PCDHGA1: variants seen among roughly 807,000 people sequenced by gnomAD.
PCDHGA1 encodes protocadherin gamma-A1.
In PCDHGA1, 32 loss-of-function variants were observed where a neutral mutation model predicts 58.0. The ratio of observed to expected loss-of-function variants is 0.55; its 90% CI spans 0.42 to 0.74. The LOEUF (loss-of-function observed/expected upper bound fraction) is 0.74, where lower values mean the gene tolerates loss of function less well. Ranked by LOEUF, PCDHGA1 falls within the 30% of genes least tolerant of loss-of-function variation. PCDHGA1 has a pLI of 0.00. For synonymous variants in PCDHGA1, 498 were observed against 501.1 expected, an observed-to-expected ratio of 0.99 and a Z score of 0.08; for missense variants, 1,205 against 1,182.3, an observed-to-expected ratio of 1.02 and a Z score of -0.28.
chr5:141,389,146 C>T (rs567517174), intron 1 of PCDHGA1: 17 of 1,613,996 alleles, frequency 1.1e-5, no homozygotes, highest in East Asian at 2.2e-5. Context: ...ATAACCGTTA[C>T]GGCAACAGAT....
Position 141,345,510 on chromosome 5 carries a change from G to T in PCDHGA1, c.2421+12405G>T, listed in dbSNP as rs778058001. 4.3e-6 allele frequency: 7 copies of T among 1,613,982 alleles called. No individual in the cohort carries two copies. The African/African-American group carries it at 8.0e-5, about 18-fold the overall frequency. On this transcript the variant is annotated intron_variant, in intron 1 of 3. Transcript: ENST00000517417. Reference sequence around the variant, plus strand: ...CGCCCGCATCACTTATGCATTGACCGAGGACACTCTCCAGGGGGCGCCCCT... The same window carrying T: ...CGCCCGCATCACTTATGCATTGACCTAGGACACTCTCCAGGGGGCGCCCCT...
At position 141,338,987 on chromosome 5, in the gene PCDHGA1, A is replaced by C. The variant is rs369131347; in HGVS notation, c.2421+5882A>C. 33 of 1,541,148 alleles carry C rather than the reference A, an allele frequency of 2.1e-5. No homozygotes were observed. The highest frequency in any genetic ancestry group is 2.6e-5 in the Non-Finnish European group (30 of 1,143,360). On this transcript the variant is annotated intron_variant, in intron 1 of 3. Transcript: ENST00000517417. ...CAGGAGGGAAATGGCGGCTCTGCAA[A>C]AGTTGCCACACTGCAGAAAGCTGGT...
At chr5:141,498,105 G>A (rs150297456) in intron 2 of PCDHGA1, among the ~76,000 whole-genome samples, 4 of 152,206 alleles carry the variant, frequency 2.6e-5, no homozygotes, top group African/African-American at 9.7e-5. Flanking sequence ...TGGTGTGGGC[G>A]TATAATAGGG....
Position 141,432,701 on chromosome 5 carries a change from G to A in PCDHGA1, c.2422-62106G>A, listed in dbSNP as rs200101512. ...GCAGAGCCTCGTAGTGGCCGTCCAG[G>A]ACCACGGCCAGCCCCCTCTCTCCGC... On this transcript the variant is annotated intron_variant, in intron 1 of 3. Coordinates refer to ENST00000517417, the MANE Select transcript of PCDHGA1 (RefSeq NM_018912.3). This position sits in a 1 kb window ranked among gnomAD's most constrained non-coding sequence, Gnocchi z 6.0. The A allele has an allele frequency of 2.7e-5, 44 of 1,613,842 alleles. No homozygotes were observed. The Admixed American group carries it at 5.3e-4, about 20-fold the overall frequency.
At chr5:141,344,024 C>A (rs755324481) in intron 1 of PCDHGA1, 1 of 1,524,874 alleles carries the variant, frequency 6.6e-7, no homozygotes, top group South Asian at 1.3e-5. Context: ...AGCGATTCAC[C>A]GAAAAGGAAA....
At chr5:141,481,822 G>A (rs1017311512) in intron 1 of PCDHGA1, among the ~76,000 whole-genome samples, 12 of 151,620 alleles carry the variant, frequency 7.9e-5, no homozygotes, top group Non-Finnish European at 1.5e-4. Context: ...CGTGGTGGCT[G>A]AGGCAGGAGA....
At position 141,490,561 on chromosome 5, in the gene PCDHGA1, A is replaced by C. The variant is rs2099701634; in HGVS notation, c.2422-4246A>C. The stretch of plus-strand genomic sequence containing the variant: ...TTCCCTACACAAACATCTCACCATC[A>C]GGCTCAACATTTCAGATGTCAATGA... On this transcript the variant is annotated intron_variant, in intron 1 of 3. Transcript: ENST00000517417. The surrounding 1 kb of genome is among the most constrained non-coding windows in gnomAD (Gnocchi z 5.4). The C allele has an allele frequency of 1.2e-6, 2 of 1,614,090 alleles. No homozygotes were observed. The highest frequency in any genetic ancestry group is 1.7e-4 in the Middle Eastern group (1 of 6,060).
At chr5:141,471,046 CTT>C (rs1170588345) in intron 1 of PCDHGA1, among the ~76,000 whole-genome samples, 2,578 of 113,210 alleles carry the variant, frequency 0.023, 53 homozygotes, top group East Asian at 0.11. Context: ...CCCAAGCCCT[CTT>C]TTTTTTTTTT....
intron 1 of PCDHGA1, among the ~76,000 whole-genome samples, chr5:141,437,781 A>G (rs957126405): frequency 7.3e-5 from 11 of 149,878 alleles, no homozygotes; most frequent in Admixed American, 6.7e-5. Flanking sequence ...ATCTGTCGCC[A>G]AGCTGGAGTG....
intron 1 of PCDHGA1, chr5:141,379,765 A>G (rs1294190356): frequency 6.6e-6 from 1 of 152,120 alleles, no homozygotes; most frequent in Non-Finnish European, 1.5e-5. Context: ...CACCTGCAAT[A>G]CAGATCATTA....
chr5:141,346,422 T>C lies in PCDHGA1; in HGVS notation c.2421+13317T>C, dbSNP rs770342627. ...CGAGCCTCTTCTGATAACTCAGGATTTACTTGAAATGAAAGGAGATTCCAA... is the reference window on the plus strand; with the variant it reads ...CGAGCCTCTTCTGATAACTCAGGATCTACTTGAAATGAAAGGAGATTCCAA... On this transcript the variant is annotated intron_variant, in intron 1 of 3. Coordinates refer to ENST00000517417, the MANE Select transcript of PCDHGA1 (RefSeq NM_018912.3). The C allele has an allele frequency of 3.1e-6, 5 of 1,614,256 alleles. No individual in the cohort carries two copies. The South Asian group carries it at 5.5e-5, about 18-fold the overall frequency.
In PCDHGA1 at chr5:141,429,386, T is replaced by A. The variant is rs534045300; in HGVS notation, c.2422-65421T>A. Among the ~76,000 whole-genome samples the A allele has an allele frequency of 4.0e-3, 602 of 151,936 alleles. 6 individuals carry two copies. The highest frequency in any genetic ancestry group is 0.011 in the Admixed American group (171 of 15,268). On this transcript the variant is annotated intron_variant, in intron 1 of 3. Coordinates refer to ENST00000517417, the MANE Select transcript of PCDHGA1 (RefSeq NM_018912.3). ...AAAATGGAGAAAATGTGTTTTTTTTTTAAAAAAAATTGAGATTAAGGTCTC... is the reference window on the plus strand; with the variant it reads ...AAAATGGAGAAAATGTGTTTTTTTTATAAAAAAAATTGAGATTAAGGTCTC...
chr5:141,459,284 A>C (rs2098965103), intron 1 of PCDHGA1, among the ~76,000 whole-genome samples: 1 of 152,174 alleles, frequency 6.6e-6, no homozygotes, highest in African/African-American at 2.4e-5. Flanking sequence ...ATTTCATCTA[A>C]ATGGAATCCT....
At chr5:141,423,982 T>C in intron 1 of PCDHGA1, 3 of 1,106,134 alleles carry the variant, frequency 2.7e-6, no homozygotes, top group Non-Finnish European at 3.4e-6. Flanking sequence ...TGTATGAGGC[T>C]CTCAATTTAT....
intron 1 of PCDHGA1, chr5:141,365,361 C>CGT: frequency 6.2e-7 from 1 of 1,613,832 alleles, no homozygotes; most frequent in African/African-American, 1.3e-5. Flanking sequence ...AATGACAATG[C>CGT]CCCCGAAGTG....
intron 1 of PCDHGA1, chr5:141,441,752 C>A (rs1043293959): frequency 5.3e-6 from 2 of 377,970 alleles, no homozygotes; most frequent in Non-Finnish European, 5.3e-6. Flanking sequence ...TCGGCGTCAA[C>A]GTGAGCCTGC....
rs966009387 is a variant in PCDHGA1, at chr5:141,511,564, G to A, written c.*391G>A. The A allele has an allele frequency of 3.0e-5, 9 of 295,900 alleles. No individual in the cohort carries two copies. The highest frequency in any genetic ancestry group is 4.6e-5 in the Non-Finnish European group (7 of 151,798). The allele number at this position is 295,900 out of a possible 1,614,324, so 18.3% of individuals were successfully genotyped here. A position where few individuals can be genotyped will look rare whatever the true frequency, so the allele number is the denominator to read the frequency against. ...CCCACTCCAACAGTTCCTCTTTCCC[G>A]AGTAAGGTGGTTGGGGTGTTGAAGT... On this transcript the variant is annotated 3_prime_UTR_variant, in exon 4 of 4. Transcript: ENST00000517417.
At chr5:141,415,083 G>A (rs747351388) in intron 1 of PCDHGA1, 4 of 1,613,514 alleles carry the variant, frequency 2.5e-6, no homozygotes, top group Non-Finnish European at 3.4e-6. Context: ...CGCGAGCCCT[G>A]CTGGACAGAG....
rs1317150359 is a variant in PCDHGA1 at position 141,420,381 on chromosome 5, G to A, written c.2422-74426G>A. On this transcript the variant is annotated intron_variant, in intron 1 of 3. Transcript: ENST00000517417. ...TCTAGATAACTTCTTCATAGAGTTC[G>A]CAAAATATAGGTCAAATTTATGGTT... The A allele has an allele frequency of 1.1e-5, 14 of 1,298,362 alleles. No homozygotes were observed. In the Admixed American group the frequency reaches 1.3e-4, roughly 13 times the overall value. The allele number at this position is 1,298,362 out of a possible 1,614,324, so 80.4% of individuals were successfully genotyped here.
Sources: allele counts gnomAD v4.1 joint callset (sites outside exome capture counted in the v4.1 genomes callset), GRCh38; gene constraint gnomAD v4.1.1; non-coding constraint Gnocchi (gnomAD v3.1); transcripts MANE v1.5; gene names NCBI Gene and HGNC (gene_info 2026-07-23, HGNC 2026-07-21).